SCFD2: variants seen among roughly 807,000 people sequenced by gnomAD.
SCFD2 encodes the protein sec1 family domain-containing protein 2.
Under a neutral mutation model 58.9 loss-of-function variants are expected in SCFD2, and 54 were observed. The observed-to-expected ratio is 0.92, with a 90% CI of 0.74 to 1.15. SCFD2 has a LOEUF of 1.15. SCFD2 is among the 50% of genes most tolerant of loss of function. The pLI is 0.00. For synonymous variants in SCFD2, 321 were observed against 335.9 expected, an observed-to-expected ratio of 0.96 and a Z score of 0.49; for missense variants, 805 against 836.6, an observed-to-expected ratio of 0.96 and a Z score of 0.47.
At chr4:53,096,807 G>A (rs1350471123) in intron 5 of SCFD2, among the ~76,000 whole-genome samples, 1 of 152,062 alleles carries the variant, frequency 6.6e-6, no homozygotes, top group African/African-American at 2.4e-5. Flanking sequence ...TGTCCTGAAT[G>A]GTACTGCCTA....
chr4:53,155,791 A>G (rs1156773865), intron 4 of SCFD2, among the ~76,000 whole-genome samples: 1 of 152,242 alleles, frequency 6.6e-6, no homozygotes, highest in Non-Finnish European at 1.5e-5. Context: ...GAATAATTAT[A>G]TAAGAGGACA....
intron 5 of SCFD2, among the ~76,000 whole-genome samples, chr4:52,962,670 T>TG (rs142006726): frequency 0.037 from 5,529 of 150,728 alleles, 132 homozygotes; most frequent in Admixed American, 0.062. Flanking sequence ...GAAAATAGTT[T>TG]AGAGGGGGGC....
intron 7 of SCFD2, among the ~76,000 whole-genome samples, chr4:52,888,418 C>T (rs1718798049): frequency 6.6e-6 from 1 of 152,196 alleles, no homozygotes; most frequent in African/African-American, 2.4e-5. Context: ...CCGCATCCTG[C>T]TCTGCACCTC....
intron 5 of SCFD2, among the ~76,000 whole-genome samples, chr4:53,028,510 T>C (rs1374699721): frequency 6.6e-6 from 1 of 152,186 alleles, no homozygotes; most frequent in Admixed American, 6.5e-5. Context: ...AGGAACTATG[T>C]CTTATTTTTT....
chr4:53,331,250 T>C (rs561678396), intron 2 of SCFD2, among the ~76,000 whole-genome samples: 494 of 151,176 alleles, frequency 3.3e-3, no homozygotes, highest in Admixed American at 8.1e-3. Context: ...GCGGACCTAA[T>C]AGACATCTAC....
intron 1 of SCFD2, among the ~76,000 whole-genome samples, chr4:53,359,170 A>G (rs942427600): frequency 6.6e-6 from 1 of 152,232 alleles, no homozygotes; most frequent in Non-Finnish European, 1.5e-5. Flanking sequence ...TACATTGTAA[A>G]CATGATGTTA....
At chr4:52,975,646 C>G (rs1279245112) in intron 5 of SCFD2, among the ~76,000 whole-genome samples, 3 of 152,094 alleles carry the variant, frequency 2.0e-5, no homozygotes, top group Non-Finnish European at 4.4e-5. Context: ...GTAGAAATAC[C>G]ATTTGACCCA....
intron 5 of SCFD2, among the ~76,000 whole-genome samples, chr4:53,032,744 G>C (rs1212700766): frequency 5.3e-5 from 8 of 152,156 alleles, no homozygotes; most frequent in African/African-American, 1.7e-4. Flanking sequence ...TAACGGTAAA[G>C]GGATCAATGC....
intron 4 of SCFD2, among the ~76,000 whole-genome samples, chr4:53,219,435 C>T (rs955871070): frequency 6.6e-5 from 10 of 152,222 alleles, no homozygotes; most frequent in African/African-American, 2.4e-4. Context: ...CCCTCTGAGC[C>T]ATGCGTGGGA....
intron 4 of SCFD2, among the ~76,000 whole-genome samples, chr4:53,158,290 C>T (rs777586903): frequency 5.9e-5 from 9 of 152,166 alleles, no homozygotes; most frequent in South Asian, 2.1e-4. Flanking sequence ...TAATATAACA[C>T]GTAAATACAT....
chr4:52,911,718 A>G (rs1201139639), intron 6 of SCFD2, among the ~76,000 whole-genome samples: 1 of 152,184 alleles, frequency 6.6e-6, no homozygotes, highest in East Asian at 1.9e-4. Context: ...TCATATAACA[A>G]CAATTTTGAA....
intron 6 of SCFD2, among the ~76,000 whole-genome samples, chr4:52,909,500 A>C (rs1719432065): frequency 6.6e-6 from 1 of 152,212 alleles, no homozygotes; most frequent in South Asian, 2.1e-4. Flanking sequence ...AATTGCTGAA[A>C]TATGCAAAAA....
chr4:52,891,672 T>C (rs1002516785), intron 7 of SCFD2, among the ~76,000 whole-genome samples: 10 of 152,348 alleles, frequency 6.6e-5, no homozygotes, highest in Middle Eastern at 3.4e-3. Context: ...CTGAAAACTC[T>C]GTATTTTTAG....
chr4:52,900,777 G>T (rs924380519), intron 7 of SCFD2, among the ~76,000 whole-genome samples: 1 of 152,202 alleles, frequency 6.6e-6, no homozygotes, highest in Non-Finnish European at 1.5e-5. Flanking sequence ...CTTGAGCTGT[G>T]GTGGGCTCCT....
intron 3 of SCFD2, among the ~76,000 whole-genome samples, chr4:53,294,674 T>G (rs1731960717): frequency 6.6e-6 from 1 of 152,228 alleles, no homozygotes. Context: ...TTGGCTTCTG[T>G]TGCCATTGCT....
intron 5 of SCFD2, among the ~76,000 whole-genome samples, chr4:53,126,126 G>A (rs1725620659): frequency 6.6e-6 from 1 of 152,160 alleles, no homozygotes; most frequent in South Asian, 2.1e-4. Flanking sequence ...TGGCATTAAT[G>A]AGAGACACTT....
chr4:53,312,604 T>A (rs1385294019), intron 3 of SCFD2, among the ~76,000 whole-genome samples: 2 of 152,238 alleles, frequency 1.3e-5, no homozygotes, highest in African/African-American at 4.8e-5. Context: ...CTAAAAGTCA[T>A]ATTCTTTTCA....
intron 7 of SCFD2, among the ~76,000 whole-genome samples, chr4:52,890,648 C>T (rs1718859461): frequency 6.6e-6 from 1 of 152,186 alleles, no homozygotes; most frequent in Admixed American, 6.5e-5. Context: ...ATTAATAAAG[C>T]AAGTCCGAGT....
intron 5 of SCFD2, among the ~76,000 whole-genome samples, chr4:52,963,832 CT>C (rs1229855205): frequency 6.6e-6 from 1 of 152,050 alleles, no homozygotes; most frequent in Non-Finnish European, 1.5e-5. Flanking sequence ...AAAATGTTGC[CT>C]TTTGGTTTCA....
Sources: allele counts gnomAD v4.1 joint callset (sites outside exome capture counted in the v4.1 genomes callset), GRCh38; gene constraint gnomAD v4.1.1; transcripts MANE v1.5; gene names NCBI Gene and HGNC (gene_info 2026-07-23, HGNC 2026-07-21).